Variants in TBL1XR1 observed in about 807,000 individuals in gnomAD.
The protein encoded by TBL1XR1 is F-box-like/WD repeat-containing protein TBL1XR1.
TBL1XR1 carries 5 observed loss-of-function variants against 66.9 expected under a neutral mutation model. The observed-to-expected ratio is 0.07, with a 90% CI of 0.04 to 0.16. The LOEUF is 0.16. TBL1XR1 is among the 10% of genes least tolerant of loss of function. The pLI is 1.00. For synonymous variants in TBL1XR1, 210 were observed against 206.0 expected (o/e 1.02, Z -0.17); for missense variants, 238 against 623.2 (o/e 0.38, Z 6.58).
intron 1 of TBL1XR1, among the ~76,000 whole-genome samples, chr3:177,148,965 T>C (rs905536014): frequency 4.6e-4 from 69 of 150,770 alleles, no homozygotes; most frequent in African/African-American, 1.3e-3. Flanking sequence ...GATCACGCCA[T>C]TGCACTCCAG....
intron 1 of TBL1XR1, among the ~76,000 whole-genome samples, chr3:177,149,181 C>T (rs1730599367): frequency 6.6e-6 from 1 of 152,176 alleles, no homozygotes; most frequent in Admixed American, 6.5e-5. Context: ...TGCGGAGTAC[C>T]TGTCAATGGA....
intron 1 of TBL1XR1, chr3:177,110,707 T>C (rs1725449118): frequency 6.6e-6 from 1 of 152,094 alleles, no homozygotes; most frequent in Admixed American, 6.6e-5. Context: ...ATTCTAGATA[T>C]GAATAAGAAT....
intron 1 of TBL1XR1, among the ~76,000 whole-genome samples, chr3:177,168,238 T>C (rs949481505): frequency 6.6e-5 from 10 of 152,040 alleles, no homozygotes; most frequent in Non-Finnish European, 7.4e-5. Context: ...ACATTACTAC[T>C]TGAAGTTAAA....
chr3:177,037,530 C>T (rs1714976678), intron 12 of TBL1XR1: 2 of 152,486 alleles, frequency 1.3e-5, no homozygotes, highest in African/African-American at 4.8e-5. Flanking sequence ...TCACTCAGTC[C>T]AGTGAGGCTC....
intron 1 of TBL1XR1, among the ~76,000 whole-genome samples, chr3:177,154,207 A>G (rs1007295666): frequency 1.3e-5 from 2 of 152,202 alleles, no homozygotes; most frequent in Non-Finnish European, 2.9e-5. Flanking sequence ...ATCTCATGAC[A>G]AAATTAAGCA....
Position 177,118,111 on chromosome 3 carries a change from G to A in TBL1XR1, c.-121-19570C>T, listed in dbSNP as rs565972411. 1.6e-4 allele frequency among the ~76,000 whole-genome samples: 24 copies of A among 152,206 alleles called. No homozygotes were observed. The East Asian group carries it at 3.3e-3, about 21-fold the overall frequency. On this transcript the variant is annotated intron_variant, in intron 1 of 15. Coordinates refer to ENST00000457928, the MANE Select transcript of TBL1XR1 (RefSeq NM_024665.7). ...CCACTCTTCTCAGCCAGAGACTCAGGACATATTAGTAGAAAGCTCAAGCAA... is the reference window on the plus strand; with the variant it reads ...CCACTCTTCTCAGCCAGAGACTCAGAACATATTAGTAGAAAGCTCAAGCAA...
At chr3:177,128,705 G>C (rs2862701) in intron 1 of TBL1XR1, among the ~76,000 whole-genome samples, 74,542 of 152,066 alleles carry the variant, frequency 0.49, 18,655 homozygotes, top group Middle Eastern at 0.57. Flanking sequence ...TTATGACACA[G>C]AGCAAATATC....
intron 1 of TBL1XR1, among the ~76,000 whole-genome samples, chr3:177,132,764 G>T (rs1728458061): frequency 1.3e-5 from 2 of 152,098 alleles, no homozygotes; most frequent in South Asian, 4.1e-4. Context: ...AAAAGTAAGG[G>T]TGGCTACAGA....
rs1712277093 is a variant in TBL1XR1, at chr3:177,020,982, T to A, written c.*4516A>T. 1 of 152,164 alleles carries A rather than the reference T, an allele frequency of 6.6e-6. No homozygotes were observed. Among genetic ancestry groups the A allele is most frequent in the Admixed American group, 6.6e-5 (1 of 15,266 alleles). The allele number at this position is 152,164 out of a possible 1,614,324, so 9.4% of individuals were successfully genotyped here. A position where few individuals can be genotyped will look rare whatever the true frequency, so the allele number is the denominator to read the frequency against. ...CACAGAACATCTACATCAGTCTTCC[T>A]TACACAATAATCATGAAAACTGAAC... is the stretch of plus-strand genomic sequence containing the variant. On this transcript the variant is annotated 3_prime_UTR_variant, in exon 16 of 16. Coordinates refer to ENST00000457928, the MANE Select transcript of TBL1XR1 (RefSeq NM_024665.7).
At chr3:177,026,241 A>T (rs1013189347) in intron 15 of TBL1XR1, 132 bp downstream of exon 15, 12 of 705,542 alleles carry the variant, frequency 1.7e-5, no homozygotes, top group Non-Finnish European at 2.5e-5. Context: ...TTACAGCCTC[A>T]GGAAAAAAAA....
intron 2 of TBL1XR1, among the ~76,000 whole-genome samples, chr3:177,074,772 T>TA (rs1484732241): frequency 3.0e-4 from 45 of 152,332 alleles, no homozygotes; most frequent in Admixed American, 8.5e-4. Flanking sequence ...AATAATATCT[T>TA]AATGTTTTGC....
intron 1 of TBL1XR1, among the ~76,000 whole-genome samples, chr3:177,143,734 A>T (rs1560223589): frequency 1.3e-5 from 2 of 152,246 alleles, no homozygotes; most frequent in Non-Finnish European, 2.9e-5. Context: ...TTAGGTTTCA[A>T]TTCAGTGAGG....
intron 3 of TBL1XR1, among the ~76,000 whole-genome samples, chr3:177,058,925 GA>G (rs533582534): frequency 5.3e-4 from 80 of 150,604 alleles, no homozygotes; most frequent in Admixed American, 3.9e-3. Flanking sequence ...ACTTATTTGG[GA>G]AAAAAAAAGA....
At chr3:177,155,665 T>C (rs1039534973) in intron 1 of TBL1XR1, among the ~76,000 whole-genome samples, 1 of 152,106 alleles carries the variant, frequency 6.6e-6, no homozygotes, top group Non-Finnish European at 1.5e-5. Flanking sequence ...AACAACTGAA[T>C]AGTCACATAG....
At chr3:177,062,747 C>T (rs566042419) in intron 3 of TBL1XR1, among the ~76,000 whole-genome samples, 12 of 152,086 alleles carry the variant, frequency 7.9e-5, no homozygotes, top group Non-Finnish European at 1.6e-4. Context: ...GTCTACCATA[C>T]AAATTTTTTT....
chr3:177,026,802 T>C (rs1713193272), intron 14 of TBL1XR1: 1 of 203,006 alleles, frequency 4.9e-6, no homozygotes, highest in Non-Finnish European at 9.7e-6. Context: ...TAAGTTTTTG[T>C]TGTTGCTAAA....
At chr3:177,060,340 A>G (rs1450315075) in intron 3 of TBL1XR1, among the ~76,000 whole-genome samples, 4 of 152,230 alleles carry the variant, frequency 2.6e-5, no homozygotes, top group South Asian at 4.1e-4. Flanking sequence ...TTAAAAAGTA[A>G]TAATATTCAG....
intron 2 of TBL1XR1, among the ~76,000 whole-genome samples, chr3:177,082,741 TATATATATA>T (rs1721575710): frequency 1.6e-4 from 13 of 79,512 alleles, no homozygotes; most frequent in Admixed American, 3.0e-4. Context: ...ATAGAGATTA[TATATATATA>T]TATATATATA....
intron 1 of TBL1XR1, among the ~76,000 whole-genome samples, chr3:177,113,594 G>C (rs972983063): frequency 1.2e-4 from 18 of 152,166 alleles, no homozygotes; most frequent in African/African-American, 4.3e-4. Context: ...ATTTTAGAAG[G>C]TGAAGGCTGG....
Sources: gnomAD v4.1 joint callset for allele counts (sites outside exome capture counted in the v4.1 genomes callset) on GRCh38, gnomAD v4.1.1 for gene constraint, MANE v1.5 for transcripts, NCBI Gene and HGNC (gene_info 2026-07-23, HGNC 2026-07-21) for gene names.